Variants in VPS54 observed in about 807,000 individuals in gnomAD.
The protein encoded by VPS54 is VPS54 subunit of GARP complex, also known as vacuolar protein sorting-associated protein 54.
VPS54 carries 45 observed loss-of-function variants against 121.5 expected under a neutral mutation model. The ratio of observed to expected loss-of-function variants is 0.37; its 90% CI spans 0.29 to 0.47. The LOEUF is 0.47. Ranked by LOEUF, VPS54 falls within the 20% of genes least tolerant of loss-of-function variation. The pLI is 0.99. For synonymous variants in VPS54, 371 were observed against 385.8 expected, an observed-to-expected ratio of 0.96 and a Z score of 0.45; for missense variants, 1,090 against 1,131.4, an observed-to-expected ratio of 0.96 and a Z score of 0.52.
At chr2:63,984,241 A>C (rs1559039538) in intron 1 of VPS54, among the ~76,000 whole-genome samples, 1 of 152,344 alleles carries the variant, frequency 6.6e-6, no homozygotes, top group Non-Finnish European at 1.5e-5. Flanking sequence ...TTAATATTTT[A>C]TTCAAAGTAC....
chr2:63,991,593 C>A (rs559080889), intron 1 of VPS54, among the ~76,000 whole-genome samples: 1 of 152,318 alleles, frequency 6.6e-6, no homozygotes, highest in Non-Finnish European at 1.5e-5. Flanking sequence ...CAAGCCGGCT[C>A]AACAAACATG....
chr2:63,895,878 G>A (rs774958990), intron 22 of VPS54, among the ~76,000 whole-genome samples: 9 of 152,140 alleles, frequency 5.9e-5, no homozygotes, highest in Non-Finnish European at 1.3e-4. Flanking sequence ...AACAGCTAAC[G>A]AGTTAGCTTG....
At chr2:63,989,213 G>A (rs2104636822) in intron 1 of VPS54, among the ~76,000 whole-genome samples, 1 of 152,226 alleles carries the variant, frequency 6.6e-6, no homozygotes, top group South Asian at 2.1e-4. Context: ...AGCGGGACCG[G>A]GAACCTCATT....
At chr2:63,909,898 T>C (rs1673074959) in intron 20 of VPS54, among the ~76,000 whole-genome samples, 1 of 151,576 alleles carries the variant, frequency 6.6e-6, no homozygotes, top group Non-Finnish European at 1.5e-5. Context: ...CTAATTTTTT[T>C]GTATTTTTGG....
intron 1 of VPS54, among the ~76,000 whole-genome samples, chr2:64,001,293 G>A (rs947795808): frequency 6.6e-6 from 1 of 152,184 alleles, no homozygotes; most frequent in Admixed American, 6.5e-5. Context: ...GTCCAGGGCA[G>A]GTCCAGAAAT....
chr2:63,918,228 G>A (rs1452042085), intron 15 of VPS54, among the ~76,000 whole-genome samples: 2 of 151,976 alleles, frequency 1.3e-5, no homozygotes, highest in Admixed American at 6.6e-5. Flanking sequence ...ATCCTCCAAA[G>A]AAGTGAAAAT....
intron 11 of VPS54, among the ~76,000 whole-genome samples, chr2:63,941,759 G>A (rs1204297800): frequency 6.6e-6 from 1 of 152,076 alleles, no homozygotes; most frequent in Non-Finnish European, 1.5e-5. Context: ...TAGCAGCCAG[G>A]CACAGTGGCT....
At chr2:63,971,207 C>A (rs141534501) in intron 4 of VPS54, among the ~76,000 whole-genome samples, 195 of 152,346 alleles carry the variant, frequency 1.3e-3, no homozygotes, top group Non-Finnish European at 2.5e-3. Context: ...TCCATCTCCA[C>A]TGTAACTGTT....
intron 5 of VPS54, among the ~76,000 whole-genome samples, chr2:63,968,315 G>A (rs902521717): frequency 6.6e-5 from 10 of 151,510 alleles, no homozygotes; most frequent in Admixed American, 5.9e-4. Context: ...ATATTTGTAG[G>A]TTTCAGTGAT....
At chr2:63,973,828 A>G (rs910942609) in intron 3 of VPS54, among the ~76,000 whole-genome samples, 2 of 152,146 alleles carry the variant, frequency 1.3e-5, no homozygotes, top group East Asian at 1.9e-4. Context: ...TACAAGGTGT[A>G]AGCCACCACA....
At chr2:63,956,496 C>G (rs373554764) in intron 7 of VPS54, among the ~76,000 whole-genome samples, 1 of 152,132 alleles carries the variant, frequency 6.6e-6, no homozygotes, top group Admixed American at 6.5e-5. Context: ...ACCTATAGCT[C>G]AATTGCCCAC....
chr2:63,939,040 C>A (rs535920519), intron 11 of VPS54, among the ~76,000 whole-genome samples: 56 of 152,254 alleles, frequency 3.7e-4, no homozygotes, highest in African/African-American at 1.3e-3. Context: ...TATTATTTAT[C>A]CATTCAAAAT....
At chr2:63,908,139 A>C (rs367877192) in intron 20 of VPS54, among the ~76,000 whole-genome samples, 1 of 152,244 alleles carries the variant, frequency 6.6e-6, no homozygotes, top group Non-Finnish European at 1.5e-5. Context: ...AGCTTTCTTC[A>C]TAACAGCCAA....
At chr2:64,002,802 G>T (rs1389594001) in intron 1 of VPS54, among the ~76,000 whole-genome samples, 1 of 152,150 alleles carries the variant, frequency 6.6e-6, no homozygotes, top group Non-Finnish European at 1.5e-5. Flanking sequence ...AAGATCTCTA[G>T]TAAAAGGGGA....
chr2:63,995,674 G>A (rs1000035797), intron 1 of VPS54, among the ~76,000 whole-genome samples: 1 of 152,232 alleles, frequency 6.6e-6, no homozygotes. Context: ...ATTTAAGACA[G>A]TCTGTTATTT....
intron 1 of VPS54, among the ~76,000 whole-genome samples, chr2:64,008,681 G>A (rs1678283208): frequency 6.6e-6 from 1 of 152,146 alleles, no homozygotes; most frequent in African/African-American, 2.4e-5. Context: ...AGTGGGAGGA[G>A]GAGTGGAAAT....
chr2:63,972,767 A>T (rs1278884123), intron 3 of VPS54, among the ~76,000 whole-genome samples: 1 of 151,992 alleles, frequency 6.6e-6, no homozygotes, highest in Non-Finnish European at 1.5e-5. Flanking sequence ...AATCCCAGCT[A>T]TTGGGGAGGC....
At chr2:63,935,652 G>A (rs1222959966) in intron 11 of VPS54, among the ~76,000 whole-genome samples, 1 of 152,110 alleles carries the variant, frequency 6.6e-6, no homozygotes, top group Non-Finnish European at 1.5e-5. Context: ...CCAGCTTCAA[G>A]TATCAGTTCT....
At chr2:64,008,408 C>T (rs1477169613) in intron 1 of VPS54, among the ~76,000 whole-genome samples, 7 of 83,876 alleles carry the variant, frequency 8.3e-5, no homozygotes, top group Non-Finnish European at 1.2e-4. Context: ...AGCGCGACTC[C>T]GTCTCAAAAA....
Sources: allele counts gnomAD v4.1 joint callset (sites outside exome capture counted in the v4.1 genomes callset), GRCh38; gene constraint gnomAD v4.1.1; transcripts MANE v1.5; gene names NCBI Gene and HGNC (gene_info 2026-07-23, HGNC 2026-07-21).